Variants in FREM1 observed in about 807,000 individuals in gnomAD.
FREM1 encodes FRAS1-related extracellular matrix protein 1.
FREM1 carries 220 observed loss-of-function variants against 210.1 expected under a neutral mutation model. That is an observed-to-expected ratio of 1.05 (90% confidence interval 0.94 to 1.17). The LOEUF (loss-of-function observed/expected upper bound fraction) is 1.17. FREM1 is among the 50% of genes most tolerant of loss of function. FREM1 has a pLI of 0.00. For synonymous variants in FREM1, 1,189 were observed against 980.2 expected, an observed-to-expected ratio of 1.21 and a Z score of -3.98; for missense variants, 3,454 against 2,675.5, an observed-to-expected ratio of 1.29 and a Z score of -6.42.
chr9:14,840,673 G>A (rs1327342404), intron 10 of FREM1, among the ~76,000 whole-genome samples: 1 of 152,292 alleles, frequency 6.6e-6, no homozygotes, highest in South Asian at 2.1e-4. Flanking sequence ...GATGAGATTT[G>A]GGTGGGGACA....
chr9:14,811,201 G>A (rs1179112539), intron 16 of FREM1, among the ~76,000 whole-genome samples: 2 of 151,996 alleles, frequency 1.3e-5, no homozygotes, highest in Non-Finnish European at 2.9e-5. Flanking sequence ...ACCAAAAGCC[G>A]TCTATTTGAA....
intron 25 of FREM1, chr9:14,773,947 T>A (rs1277993373): frequency 5.1e-6 from 2 of 393,902 alleles, no homozygotes; most frequent in Non-Finnish European, 9.8e-6. Context: ...TCAACCTAGG[T>A]TAGGGGAGTT....
intron 24 of FREM1, among the ~76,000 whole-genome samples, chr9:14,783,514 T>G (rs1257308795): frequency 1.3e-5 from 2 of 152,158 alleles, no homozygotes; most frequent in Non-Finnish European, 2.9e-5. Flanking sequence ...AACTCAAAAC[T>G]GGATTGTATA....
chr9:14,801,833 G>A lies in FREM1; in HGVS notation c.3513C>T (p.Ile1171=), dbSNP rs774280190. Residue 1171 remains isoleucine, a synonymous_variant, in exon 20 of 37, where the codon ATC becomes ATT. Coordinates refer to ENST00000380880, the MANE Select transcript of FREM1 (RefSeq NM_001379081.2). ...GGGGAATGTCCAGGTCCACAGCGCTGATGATGGAAGAGTCCAGCTCTTTCA... is the reference window on the plus strand; with the variant it reads ...GGGGAATGTCCAGGTCCACAGCGCTAATGATGGAAGAGTCCAGCTCTTTCA... ...GQMKELDSSI[I]SAVDLDIPQD... is the part of the protein sequence containing the mutation. 1.2e-6 allele frequency: 2 copies of A among 1,613,768 alleles called. No individual in the cohort carries two copies. The highest frequency in any genetic ancestry group is 2.7e-5 in the African/African-American group (2 of 74,928).
chr9:14,792,801 C>T lies in FREM1; in HGVS notation c.3923G>A (p.Arg1308Lys), dbSNP rs1423881358. The T allele has an allele frequency of 6.2e-7, 1 of 1,606,870 alleles. No individual in the cohort carries two copies. Among genetic ancestry groups the T allele is most frequent in the Non-Finnish European group, 8.5e-7 (1 of 1,175,958 alleles). ...TTCAAATACATAGTAAATCTTCTCC[C>T]TGGGTGAGTCTTCATCTATGGCTGA... ...ILSAIDEDSPREKIYYVFERL... is the reference protein window; with the variant it reads ...ILSAIDEDSPKEKIYYVFERL... The change falls in exon 22 of 37, where the codon AGG becomes AAG. Residue 1308 changes from arginine (R) to lysine (K), a missense_variant. Arg to Lys is a conservative substitution (Grantham distance 26). Transcript: ENST00000380880.
chr9:14,794,841 T>C (rs1172275894), intron 21 of FREM1, among the ~76,000 whole-genome samples: 3 of 151,348 alleles, frequency 2.0e-5, no homozygotes, highest in African/African-American at 7.3e-5. Flanking sequence ...CTACCAAAAA[T>C]ACAAAAATTA....
chr9:14,802,966 A>ACTTC (rs1204487206), intron 19 of FREM1, among the ~76,000 whole-genome samples: 3 of 150,462 alleles, frequency 2.0e-5, no homozygotes, highest in South Asian at 2.1e-4. Flanking sequence ...ATTTGTGAAA[A>ACTTC]CTTCCTTCCT....
intron 18 of FREM1, 40 bp from the exon 19 acceptor site, chr9:14,805,192 A>AT (rs751319242): frequency 2.3e-6 from 3 of 1,299,302 alleles, no homozygotes; most frequent in African/African-American, 3.0e-5. Context: ...TAAAAAAAAA[A>AT]TTTTTCCAAG....
In FREM1 at chr9:14,860,560, C is replaced by CATATATATACACATATATATACACAT. The variant is rs1829656258; in HGVS notation, c.330-1102_330-1077dup. Among the ~76,000 whole-genome samples the CATATATATACACATATATATACACAT allele has an allele frequency of 3.9e-5, 4 of 102,588 alleles. 1 individual carries two copies. The East Asian group carries it at 1.3e-3, about 34-fold the overall frequency. The allele number at this position is 102,588 out of a possible 152,430, so 67.3% of individuals were successfully genotyped here. On this transcript the variant is annotated intron_variant, in intron 3 of 36. Transcript: ENST00000380880. ...ATATATATACACATATATATACACA[C>CATATATATACACATATATATACACAT]ATATATATACACATATATATACACA...
At chr9:14,864,031 G>T (rs1831071668) in intron 2 of FREM1, 128 bp from the exon 3 acceptor site, 2 of 653,152 alleles carry the variant, frequency 3.1e-6, no homozygotes, top group African/African-American at 3.5e-5. Flanking sequence ...GTGAGTGTGT[G>T]TGTCTTCACC....
Position 14,801,632 on chromosome 9 carries a change from G to A in FREM1, c.3694+20C>T, listed in dbSNP as rs1009373773. On this transcript the variant is annotated intron_variant, in intron 20 of 36. Transcript: ENST00000380880. ...ATTCAATCAACAATAACAAATGCATGGAAGTGGAACATGCTATACCAGTCT... is the reference window on the plus strand; with the variant it reads ...ATTCAATCAACAATAACAAATGCATAGAAGTGGAACATGCTATACCAGTCT... The A allele has an allele frequency of 6.7e-7, 1 of 1,498,858 alleles. No individual in the cohort carries two copies. The highest frequency in any genetic ancestry group is 9.3e-7 in the Non-Finnish European group (1 of 1,076,498). The allele number at this position is 1,498,858 out of a possible 1,614,324, so 92.8% of individuals were successfully genotyped here.
chr9:14,761,424 T>C (rs771307996), intron 27 of FREM1, among the ~76,000 whole-genome samples: 5 of 152,160 alleles, frequency 3.3e-5, no homozygotes, highest in African/African-American at 9.7e-5. Flanking sequence ...TTCATATTAA[T>C]AGAATTTTAA....
At chr9:14,802,136 T>A (rs1473993065) in intron 19 of FREM1, among the ~76,000 whole-genome samples, 3 of 152,218 alleles carry the variant, frequency 2.0e-5, no homozygotes, top group African/African-American at 7.2e-5. Context: ...ATATAATTTT[T>A]AAAATATGTA....
intron 10 of FREM1, among the ~76,000 whole-genome samples, chr9:14,825,929 T>C (rs558673048): frequency 2.0e-5 from 3 of 152,124 alleles, no homozygotes; most frequent in Non-Finnish European, 2.9e-5. Context: ...CAAGAGCTAA[T>C]CTAGACTTTT....
At chr9:14,793,891 G>C (rs1269792034) in intron 21 of FREM1, among the ~76,000 whole-genome samples, 1 of 152,182 alleles carries the variant, frequency 6.6e-6, no homozygotes, top group African/African-American at 2.4e-5. Context: ...GCAGTGGGTG[G>C]TGACATTTGC....
intron 30 of FREM1, among the ~76,000 whole-genome samples, chr9:14,749,565 G>T (rs1366800094): frequency 6.6e-6 from 1 of 152,198 alleles, no homozygotes; most frequent in African/African-American, 2.4e-5. Context: ...AGTCTGGCTG[G>T]TCTTTATTTT....
intron 23 of FREM1, among the ~76,000 whole-genome samples, 177 bp downstream of exon 23, chr9:14,788,742 C>A (rs1209115120): frequency 6.6e-6 from 1 of 151,900 alleles, no homozygotes; most frequent in African/African-American, 2.4e-5. Context: ...CACATAGGTC[C>A]CAGGCAAAGC....
At chr9:14,823,368 C>CACCACCCTCTAA (rs1483130825) in intron 12 of FREM1, 41 bp from the exon 13 acceptor site, 2 of 1,577,340 alleles carry the variant, frequency 1.3e-6, no homozygotes, top group South Asian at 2.4e-5. Context: ...TGCTGACTTG[C>CACCACCCTCTAA]AAGGATCAAA....
At chr9:14,881,343 C>G (rs1205288485) in intron 1 of FREM1, among the ~76,000 whole-genome samples, 4 of 152,192 alleles carry the variant, frequency 2.6e-5, no homozygotes, top group Non-Finnish European at 5.9e-5. Flanking sequence ...AGCTCAGTTA[C>G]TATCCCACAC....
Sources: gnomAD v4.1 joint callset for allele counts (sites outside exome capture counted in the v4.1 genomes callset) on GRCh38, gnomAD v4.1.1 for gene constraint, MANE v1.5 for transcripts, NCBI Gene and HGNC (gene_info 2026-07-23, HGNC 2026-07-21) for gene names.